CDH17: variants seen among roughly 807,000 people sequenced by gnomAD.
The protein encoded by CDH17 is cadherin 17.
In CDH17, 67 loss-of-function variants were observed where a neutral mutation model predicts 86.3. That is an observed-to-expected ratio of 0.78 (90% CI 0.64 to 0.95). The LOEUF is 0.95. Among genes scored for constraint, CDH17 ranks in the 40% least tolerant of loss-of-function variants. The pLI is 0.00. For synonymous variants in CDH17, 367 were observed against 366.4 expected (o/e 1.00, Z -0.02); for missense variants, 993 against 1,017.6 (o/e 0.98, Z 0.33).
intron 10 of CDH17, among the ~76,000 whole-genome samples, chr8:94,163,241 C>A (rs1367778140): frequency 1.3e-5 from 2 of 152,244 alleles, no homozygotes; most frequent in Non-Finnish European, 2.9e-5. Flanking sequence ...ACCAGGGTCA[C>A]ACAACTAACT....
chr8:94,141,329 G>C (rs576876669), intron 15 of CDH17, among the ~76,000 whole-genome samples: 2 of 149,582 alleles, frequency 1.3e-5, no homozygotes, highest in South Asian at 4.2e-4. Flanking sequence ...TAATAAAGAC[G>C]ACCTACAATA....
Position 94,140,511 on chromosome 8 carries a change from G to A in CDH17, c.2167+5417C>T, listed in dbSNP as rs542088197. Among the ~76,000 whole-genome samples the A allele has an allele frequency of 1.6e-3, 238 of 152,004 alleles. 1 individual carries two copies. The highest frequency in any genetic ancestry group is 5.5e-3 in the African/African-American group (227 of 41,448). On this transcript the variant is annotated intron_variant, in intron 15 of 17. Coordinates refer to ENST00000027335, the MANE Select transcript of CDH17 (RefSeq NM_004063.4). ...TTAACAAAAAGATCTCAAATTAATG[G>A]CATCAGCTTCCACCTTAATGAAAAC...
intron 15 of CDH17, among the ~76,000 whole-genome samples, chr8:94,140,989 T>C (rs1812625396): frequency 6.6e-6 from 1 of 152,056 alleles, no homozygotes; most frequent in Non-Finnish European, 1.5e-5. Context: ...TAATTGAAGA[T>C]AAAGAGGTGG....
At position 94,176,598 on chromosome 8, in the gene CDH17, G is replaced by A. The variant is rs1040211278; in HGVS notation, c.367C>T (p.Arg123Ter). 27 of 1,613,708 alleles carry A rather than the reference G, an allele frequency of 1.7e-5. No individual in the cohort carries two copies. Among genetic ancestry groups the A allele is most frequent in the East Asian group, 8.9e-5 (4 of 44,864 alleles). Residue 123 changes from arginine (R) to a stop codon, truncating the protein, a stop_gained, in exon 5 of 18, where the codon CGA (arginine) becomes TGA (stop). Coordinates refer to ENST00000027335, the MANE Select transcript of CDH17 (RefSeq NM_004063.4). LOFTEE classifies it high-confidence loss of function. ...TIKVKDINDN[R>*]PTFLQSKYEG... is the part of the protein sequence containing the mutation. ...TACTTTGACTGGAGAAACGTGGGTC[G>A]ATTGTCGTTGATGTCCTTCACTTTT...
At chr8:94,185,946 C>T (rs1351003088) in intron 3 of CDH17, among the ~76,000 whole-genome samples, 1 of 152,078 alleles carries the variant, frequency 6.6e-6, no homozygotes, top group Non-Finnish European at 1.5e-5. Flanking sequence ...CATATTTGTG[C>T]AGTTGGGTTT....
At position 94,170,899 on chromosome 8, in the gene CDH17, T is replaced by C; in HGVS notation, c.870A>G (p.Gly290=). 6.2e-7 allele frequency: 1 copy of C among 1,613,942 alleles called. No homozygotes were observed. The highest frequency in any genetic ancestry group is 8.5e-7 in the Non-Finnish European group (1 of 1,179,864). Residue 290 remains glycine, a synonymous_variant, in exon 8 of 18, where the codon GGA becomes GGG. Transcript: ENST00000027335. ...PRFPFSIDQE[G]DIYVTQPLDR... is the part of the protein sequence containing the mutation. ...CCAAGGGCTGAGTCACGTAAATATC[T>C]CCTTCCTGGTCAATTGAAAATGGGA...
chr8:94,191,630 T>C (rs1813692760), intron 2 of CDH17, among the ~76,000 whole-genome samples: 1 of 151,926 alleles, frequency 6.6e-6, no homozygotes, highest in South Asian at 2.1e-4. Flanking sequence ...TTTTTTATAT[T>C]TTTAGTAGAA....
In CDH17 at chr8:94,203,761, C is replaced by T. The variant is rs79115705; in HGVS notation, c.-21+4722G>A. Among the ~76,000 whole-genome samples, 393 of 152,208 alleles carry T rather than the reference C, an allele frequency of 2.6e-3. 11 individuals are homozygous for T. The East Asian group carries it at 0.069, about 27-fold the overall frequency. The stretch of plus-strand genomic sequence containing the variant: ...CTGGGCTTCTGCCTCACACTTCAAA[C>T]AGATTACTCCACATGGGGAGGGAAT... On this transcript the variant is annotated intron_variant, in intron 1 of 17. Transcript: ENST00000027335.
chr8:94,171,178 G>A (rs950755113), intron 7 of CDH17, among the ~76,000 whole-genome samples, 193 bp from the exon 8 acceptor site: 5 of 151,926 alleles, frequency 3.3e-5, no homozygotes, highest in East Asian at 1.9e-4. Context: ...TATATTGCTC[G>A]AAAAAAGCAC....
intron 15 of CDH17, among the ~76,000 whole-genome samples, chr8:94,137,616 C>G (rs902235932): frequency 6.6e-6 from 1 of 152,088 alleles, no homozygotes; most frequent in African/African-American, 2.4e-5. Context: ...ACACCCCACC[C>G]AGTTCAGAGC....
intron 5 of CDH17, among the ~76,000 whole-genome samples, chr8:94,174,489 C>G (rs1319061884): frequency 1.3e-5 from 2 of 152,056 alleles, no homozygotes; most frequent in African/African-American, 4.8e-5. Flanking sequence ...TTCAAGTGCT[C>G]TGTAAAGCTA....
rs184174985 is a variant in CDH17 at position 94,197,523 on chromosome 8, C to T, written c.-20-2818G>A. Among the ~76,000 whole-genome samples, 16 of 152,062 alleles carry T rather than the reference C, an allele frequency of 1.1e-4. No individual in the cohort carries two copies. The East Asian group carries it at 1.7e-3, about 17-fold the overall frequency. ...TCTCCTCACATGGAAAACACATAGC[C>T]ATTGCTCAATAATAAGTTTGTCCTC... is the stretch of plus-strand genomic sequence containing the variant. On this transcript the variant is annotated intron_variant, in intron 1 of 17. Transcript: ENST00000027335.
intron 15 of CDH17, among the ~76,000 whole-genome samples, chr8:94,135,479 T>C (rs1455898366): frequency 3.9e-5 from 6 of 152,160 alleles, no homozygotes; most frequent in Non-Finnish European, 5.9e-5. Context: ...AGGATTGCGA[T>C]CCCTGCTTTT....
At chr8:94,148,452 G>A (rs544281319) in intron 14 of CDH17, among the ~76,000 whole-genome samples, 1 of 139,352 alleles carries the variant, frequency 7.2e-6, no homozygotes, top group South Asian at 2.4e-4. Flanking sequence ...TGAGGTAGGA[G>A]AATTGCTTGA....
intron 1 of CDH17, among the ~76,000 whole-genome samples, chr8:94,196,268 A>G (rs1161132898): frequency 6.6e-6 from 1 of 152,248 alleles, no homozygotes; most frequent in East Asian, 1.9e-4. Flanking sequence ...AAAATTTTAC[A>G]TGCCCTACAT....
intron 17 of CDH17, among the ~76,000 whole-genome samples, chr8:94,129,586 G>A (rs1812370234): frequency 6.6e-6 from 1 of 152,166 alleles, no homozygotes; most frequent in Middle Eastern, 3.2e-3. Context: ...AAAAGGATAT[G>A]AAACCATAAA....
In CDH17 at chr8:94,151,909, C is replaced by T. The variant is rs1812862557; in HGVS notation, c.1755G>A (p.Val585=). The T allele has an allele frequency of 6.2e-7, 1 of 1,614,174 alleles. No homozygotes were observed. Among genetic ancestry groups the T allele is most frequent in the Non-Finnish European group, 8.5e-7 (1 of 1,180,010 alleles). ...CTGGATCCTTGGCAGTCACATTGCC[C>T]ACTTTAGTGCCTATAGCTACATCCT... ...VSEDVAIGTK[V]GNVTAKDPEG... is the part of the protein sequence containing the mutation. Residue 585 remains valine (V), a synonymous_variant, in exon 13 of 18, where the codon GTG becomes GTA. Transcript: ENST00000027335.
chr8:94,158,610 T>G (rs909457622), intron 12 of CDH17, among the ~76,000 whole-genome samples: 13 of 152,166 alleles, frequency 8.5e-5, no homozygotes, highest in Non-Finnish European at 1.5e-5. Flanking sequence ...CTTTCCTTTA[T>G]CCTTTCTTTC....
At chr8:94,165,473 G>A (rs972288607) in intron 10 of CDH17, among the ~76,000 whole-genome samples, 8 of 152,016 alleles carry the variant, frequency 5.3e-5, no homozygotes, top group African/African-American at 7.2e-5. Context: ...GTGCCCTTCC[G>A]CAATTTTTTC....
Sources: allele counts gnomAD v4.1 joint callset (sites outside exome capture counted in the v4.1 genomes callset), GRCh38; gene constraint gnomAD v4.1.1; transcripts MANE v1.5; gene names NCBI Gene and HGNC (gene_info 2026-07-23, HGNC 2026-07-21).